The following ERC2 variants were observed in gnomAD, a reference collection of about 807,000 sequenced individuals.
ERC2 encodes the protein ELKS/RAB6-interacting/CAST family member 2.
ERC2 carries 42 observed loss-of-function variants against 114.8 expected under a neutral mutation model. The observed-to-expected ratio is 0.37, with a 90% CI of 0.29 to 0.47. The LOEUF is 0.47. Among genes scored for constraint, ERC2 ranks in the 20% least tolerant of loss-of-function variants. The probability of loss-of-function intolerance (pLI) is 0.99; values close to 1 mark genes in which losing one functional copy is unlikely to be tolerated. For synonymous variants in ERC2, 454 were observed against 425.5 expected (o/e 1.07, Z -0.82); for missense variants, 939 against 1,150.7 (o/e 0.82, Z 2.66).
chr3:55,895,566 C>A (rs567554697), intron 13 of ERC2, among the ~76,000 whole-genome samples: 2 of 152,220 alleles, frequency 1.3e-5, no homozygotes, highest in Admixed American at 6.5e-5. Context: ...TGCCTGCACC[C>A]ATTCTGCACA....
chr3:56,111,725 C>T (rs1040489514), intron 6 of ERC2, among the ~76,000 whole-genome samples: 8 of 152,174 alleles, frequency 5.3e-5, no homozygotes, highest in Non-Finnish European at 1.2e-4. Context: ...TTACAACAGC[C>T]AGTTTCCACT....
At chr3:55,696,439 G>T (rs1369530814) in intron 16 of ERC2, among the ~76,000 whole-genome samples, 3 of 152,170 alleles carry the variant, frequency 2.0e-5, no homozygotes. Context: ...TTTAAGTCAG[G>T]TCAGCTAACA....
rs1401205406 is a variant in ERC2, at chr3:56,232,011, CCCAGGCTG to C, written c.1075-58499_1075-58492del. ...TTTGAAACAAAGTCTTGCCCTGTTG[CCCAGGCTG>C]GAGTGCAGTGGCATGATCATAGCTC... On this transcript the variant is annotated intron_variant, in intron 3 of 17. Transcript: ENST00000288221. Among the ~76,000 whole-genome samples, 5 of 151,548 alleles carry C rather than the reference CCCAGGCTG, an allele frequency of 3.3e-5. No homozygotes were observed. In the East Asian group the frequency reaches 9.7e-4, roughly 29 times the overall value.
intron 17 of ERC2, among the ~76,000 whole-genome samples, chr3:55,610,060 CAAACA>C (rs2058826177): frequency 1.4e-4 from 7 of 50,432 alleles, no homozygotes; most frequent in Non-Finnish European, 1.9e-4. Flanking sequence ...CAAACAAACA[CAAACA>C]AAAAAAAAAA....
chr3:56,074,948 T>C (rs140560404), intron 7 of ERC2, among the ~76,000 whole-genome samples: 80 of 152,280 alleles, frequency 5.3e-4, no homozygotes, highest in Middle Eastern at 3.4e-3. Flanking sequence ...TCAATGCACA[T>C]TGATCAAGGA....
chr3:55,984,300 A>C (rs2070402569), intron 12 of ERC2, among the ~76,000 whole-genome samples: 1 of 152,116 alleles, frequency 6.6e-6, no homozygotes, highest in African/African-American at 2.4e-5. Flanking sequence ...GGAAAAAAAA[A>C]ACAAAAAAAC....
chr3:55,713,131 T>TCTCTCTCTCTCTCACACA, intron 15 of ERC2, among the ~76,000 whole-genome samples: 1 of 139,334 alleles, frequency 7.2e-6, no homozygotes, highest in Non-Finnish European at 1.5e-5. Context: ...TCTCTCTGTC[T>TCTCTCTCTCTCTCACACA]CACACACACA....
At chr3:56,366,249 AG>A (rs1458739769) in intron 2 of ERC2, among the ~76,000 whole-genome samples, 1 of 152,206 alleles carries the variant, frequency 6.6e-6, no homozygotes. Context: ...AAGTCCAAAA[AG>A]CTTTCCCATT....
intron 2 of ERC2, among the ~76,000 whole-genome samples, chr3:56,380,202 G>A (rs1054676802): frequency 1.3e-5 from 2 of 152,094 alleles, no homozygotes; most frequent in Admixed American, 6.6e-5. Context: ...GACAGCAGAC[G>A]TCTGGGGAGA....
intron 3 of ERC2, among the ~76,000 whole-genome samples, chr3:56,243,362 T>A (rs781103957): frequency 9.2e-5 from 14 of 152,186 alleles, no homozygotes; most frequent in Non-Finnish European, 1.6e-4. Flanking sequence ...GTAAATCGCA[T>A]GACAGCAAAG....
At chr3:55,739,292 G>A (rs2065836947) in intron 14 of ERC2, among the ~76,000 whole-genome samples, 1 of 152,144 alleles carries the variant, frequency 6.6e-6, no homozygotes, top group Non-Finnish European at 1.5e-5. Context: ...GGATTGCTGG[G>A]TCAAATGGTA....
intron 14 of ERC2, among the ~76,000 whole-genome samples, chr3:55,798,551 C>G (rs935549107): frequency 6.6e-6 from 1 of 151,394 alleles, no homozygotes; most frequent in Non-Finnish European, 1.5e-5. Flanking sequence ...TGAGCCAAGA[C>G]CATGCCACTG....
At chr3:56,016,677 C>A (rs1221947702) in intron 8 of ERC2, among the ~76,000 whole-genome samples, 1 of 151,972 alleles carries the variant, frequency 6.6e-6, no homozygotes, top group African/African-American at 2.4e-5. Flanking sequence ...AGAAGAGAAG[C>A]CTCCTTTAGG....
At chr3:55,836,666 G>C (rs1481532341) in intron 14 of ERC2, among the ~76,000 whole-genome samples, 1 of 152,016 alleles carries the variant, frequency 6.6e-6, no homozygotes, top group East Asian at 1.9e-4. Flanking sequence ...AGAAAACCTA[G>C]GCATTACCAT....
At chr3:55,950,605 A>T (rs755986185) in intron 12 of ERC2, 45 bp from the exon 13 acceptor site, 3 of 1,606,302 alleles carry the variant, frequency 1.9e-6, no homozygotes, top group Non-Finnish European at 1.7e-6. Context: ...CCACTGGAAG[A>T]TCATATGTTA....
intron 2 of ERC2, among the ~76,000 whole-genome samples, chr3:56,404,463 G>A (rs929907843): frequency 3.9e-5 from 6 of 152,038 alleles, no homozygotes; most frequent in African/African-American, 1.4e-4. Flanking sequence ...GATATGCAGG[G>A]CATTAGTGGG....
intron 12 of ERC2, among the ~76,000 whole-genome samples, chr3:55,964,908 C>G (rs2068639930): frequency 6.6e-6 from 1 of 152,174 alleles, no homozygotes; most frequent in Admixed American, 6.5e-5. Flanking sequence ...GAAAGGCCAC[C>G]CAAAGTTCCT....
In ERC2 at chr3:56,434,573, GCTGT is replaced by G; in HGVS notation, c.431_434del (p.Asp144AlafsTer4). 1 of 1,613,954 alleles carries G rather than the reference GCTGT, an allele frequency of 6.2e-7. No individual in the cohort carries two copies. Among genetic ancestry groups the G allele is most frequent in the African/African-American group, 1.3e-5 (1 of 75,022 alleles). ...GCTGGGCCTGAAGATCTAACATTGT[GCTGT>G]CTCTTACCTGCCTCAACATGGAGGG... On this transcript the variant is annotated frameshift_variant, in exon 2 of 18. Coordinates refer to ENST00000288221, the MANE Select transcript of ERC2 (RefSeq NM_015576.3). LOFTEE classifies it high-confidence loss of function.
At chr3:55,709,750 A>T (rs815420) in intron 15 of ERC2, among the ~76,000 whole-genome samples, 83,045 of 152,046 alleles carry the variant, frequency 0.55, 23,056 homozygotes, top group South Asian at 0.69. Flanking sequence ...GAGAGAAGGG[A>T]TGGGGTGAGC....
Sources: allele counts gnomAD v4.1 joint callset (sites outside exome capture counted in the v4.1 genomes callset), GRCh38; gene constraint gnomAD v4.1.1; transcripts MANE v1.5; gene names NCBI Gene and HGNC (gene_info 2026-07-23, HGNC 2026-07-21).